The following PTPRT variants were observed in gnomAD, a reference collection of about 807,000 sequenced individuals.
PTPRT encodes protein tyrosine phosphatase receptor type T.
PTPRT carries 56 observed loss-of-function variants against 176.8 expected under a neutral mutation model. The ratio of observed to expected loss-of-function variants is 0.32; its 90% CI spans 0.26 to 0.40. The LOEUF is 0.40. Among genes scored for constraint, PTPRT ranks in the 10% least tolerant of loss-of-function variants. PTPRT has a pLI of 1.00. For synonymous variants in PTPRT, 783 were observed against 739.0 expected, an observed-to-expected ratio of 1.06 and a Z score of -0.96; for missense variants, 1,540 against 1,908.2, an observed-to-expected ratio of 0.81 and a Z score of 3.60.
intron 16 of PTPRT, among the ~76,000 whole-genome samples, chr20:42,190,311 T>C (rs879394548): frequency 5.9e-5 from 9 of 152,206 alleles, no homozygotes; most frequent in South Asian, 2.1e-4. Flanking sequence ...TCCTGACTCT[T>C]AGATTGTTCA....
intron 2 of PTPRT, among the ~76,000 whole-genome samples, chr20:42,864,042 C>T (rs546830719): frequency 1.3e-5 from 2 of 152,332 alleles, no homozygotes; most frequent in African/African-American, 4.8e-5. Context: ...GTTCCTGTCC[C>T]TTTTCTGCAA....
chr20:42,349,863 G>C, intron 11 of PTPRT, among the ~76,000 whole-genome samples: 1 of 152,310 alleles, frequency 6.6e-6, no homozygotes, highest in East Asian at 1.9e-4. Flanking sequence ...TCATGAACTA[G>C]CAGTGGTCAG....
intron 7 of PTPRT, among the ~76,000 whole-genome samples, chr20:42,609,622 T>C (rs1376951591): frequency 1.3e-5 from 2 of 152,188 alleles, no homozygotes; most frequent in African/African-American, 4.8e-5. Flanking sequence ...CCTCGTTCTT[T>C]CTACCAAGAT....
intron 15 of PTPRT, among the ~76,000 whole-genome samples, chr20:42,230,737 A>AATCTC (rs1458799676): frequency 2.0e-5 from 3 of 152,200 alleles, no homozygotes; most frequent in Non-Finnish European, 4.4e-5. Flanking sequence ...AGGTGGAAAC[A>AATCTC]ATCTCACAGG....
intron 12 of PTPRT, among the ~76,000 whole-genome samples, chr20:42,306,915 A>G (rs985492707): frequency 6.6e-6 from 1 of 152,304 alleles, no homozygotes; most frequent in Non-Finnish European, 1.5e-5. Flanking sequence ...AAATGTAGTC[A>G]CTTTGTGAGA....
At chr20:43,058,222 G>C (rs1326127188) in intron 1 of PTPRT, among the ~76,000 whole-genome samples, 1 of 151,924 alleles carries the variant, frequency 6.6e-6, no homozygotes, top group Non-Finnish European at 1.5e-5. Context: ...AGTAAGAGGG[G>C]AGGAAAAAAA....
chr20:42,661,446 T>G (rs2075221431), intron 7 of PTPRT, among the ~76,000 whole-genome samples: 1 of 152,130 alleles, frequency 6.6e-6, no homozygotes. Flanking sequence ...AAAAGGTTAC[T>G]TTCAAATTTC....
At chr20:42,773,093 C>G (rs1449224976) in intron 4 of PTPRT, among the ~76,000 whole-genome samples, 3 of 152,204 alleles carry the variant, frequency 2.0e-5, no homozygotes, top group African/African-American at 7.2e-5. Flanking sequence ...TCCAGATAGA[C>G]TCCAGGGTCT....
At position 43,065,002 on chromosome 20, in the gene PTPRT, T is replaced by A. The variant is rs978638233; in HGVS notation, c.88+124644A>T. Among the ~76,000 whole-genome samples, 7 of 152,334 alleles carry A rather than the reference T, an allele frequency of 4.6e-5. No individual in the cohort carries two copies. In the East Asian group the frequency reaches 7.7e-4, roughly 17 times the overall value. On this transcript the variant is annotated intron_variant, in intron 1 of 30. Transcript: ENST00000373187. ...CATGGCTTGCCCTCATCGGTGATGA[T>A]GATCCTTCTATCCATGGTCAAAACT...
At chr20:43,110,149 G>A (rs565640575) in intron 1 of PTPRT, among the ~76,000 whole-genome samples, 48 of 152,260 alleles carry the variant, frequency 3.2e-4, no homozygotes, top group African/African-American at 1.1e-3. Flanking sequence ...CACTCATGAT[G>A]GAAGGTGAAG....
intron 7 of PTPRT, among the ~76,000 whole-genome samples, chr20:42,554,600 T>G (rs1278168041): frequency 6.6e-6 from 1 of 152,170 alleles, no homozygotes; most frequent in Non-Finnish European, 1.5e-5. Flanking sequence ...CAGTCATTAT[T>G]GTTCTGTAAA....
chr20:42,503,482 T>C (rs942182396), intron 7 of PTPRT, among the ~76,000 whole-genome samples: 3 of 152,114 alleles, frequency 2.0e-5, no homozygotes, highest in Non-Finnish European at 4.4e-5. Flanking sequence ...TAAACTTTAA[T>C]AAAAGTAAAA....
intron 1 of PTPRT, among the ~76,000 whole-genome samples, chr20:42,914,113 C>T (rs1568677404): frequency 6.6e-6 from 1 of 152,094 alleles, no homozygotes; most frequent in Non-Finnish European, 1.5e-5. Context: ...TGTAGTTGTC[C>T]TCTATAGTCC....
chr20:42,954,703 A>G (rs539548665), intron 1 of PTPRT, among the ~76,000 whole-genome samples: 1 of 152,150 alleles, frequency 6.6e-6, no homozygotes, highest in South Asian at 2.1e-4. Context: ...CCTGTTGCAG[A>G]AGAAAAATGG....
At chr20:42,341,444 T>A (rs1231748033) in intron 11 of PTPRT, among the ~76,000 whole-genome samples, 3 of 152,156 alleles carry the variant, frequency 2.0e-5, no homozygotes, top group Non-Finnish European at 4.4e-5. Context: ...ATTAAACGAT[T>A]CTTCCTTTGA....
At chr20:43,069,691 T>C (rs139625238) in intron 1 of PTPRT, among the ~76,000 whole-genome samples, 1,978 of 152,276 alleles carry the variant, frequency 0.013, 125 homozygotes, top group Admixed American at 0.11. Flanking sequence ...AAGTTTATAA[T>C]GAGGACTGAG....
chr20:42,373,795 T>C (rs2058618109), intron 9 of PTPRT, among the ~76,000 whole-genome samples: 1 of 152,114 alleles, frequency 6.6e-6, no homozygotes, highest in African/African-American at 2.4e-5. Context: ...ACTGTTTGAG[T>C]CCAAGTCCAG....
intron 1 of PTPRT, among the ~76,000 whole-genome samples, chr20:43,125,252 G>T (rs527941584): frequency 6.6e-6 from 1 of 151,336 alleles, no homozygotes; most frequent in Non-Finnish European, 1.5e-5. Context: ...CACCCACCTC[G>T]GCCTCCCAAA....
chr20:42,998,473 GAGA>G (rs1984352305), intron 1 of PTPRT, among the ~76,000 whole-genome samples: 1 of 152,102 alleles, frequency 6.6e-6, no homozygotes, highest in Non-Finnish European at 1.5e-5. Context: ...TTGGAGTGAT[GAGA>G]AGAAGCCGGC....
Sources: allele counts gnomAD v4.1 joint callset (sites outside exome capture counted in the v4.1 genomes callset), GRCh38; gene constraint gnomAD v4.1.1; transcripts MANE v1.5; gene names NCBI Gene and HGNC (gene_info 2026-07-23, HGNC 2026-07-21).